Variants in CCDC171 observed in about 807,000 individuals in gnomAD.
CCDC171 encodes coiled-coil domain containing 171.
In CCDC171, 177 loss-of-function variants were observed where a neutral mutation model predicts 168.2. The ratio of observed to expected loss-of-function variants is 1.05; its 90% CI spans 0.93 to 1.19. The LOEUF (loss-of-function observed/expected upper bound fraction) is 1.19, where lower values mean the gene tolerates loss of function less well. CCDC171 is among the 50% of genes most tolerant of loss of function. The pLI, the probability that CCDC171 is intolerant of heterozygous loss-of-function variation, is 0.00. For synonymous variants in CCDC171, 687 were observed against 540.8 expected (o/e 1.27, Z -3.75); for missense variants, 1,991 against 1,539.0 (o/e 1.29, Z -4.91).
chr9:16,031,511 CCTGAAT>C (rs1564128046), intron 6 of CCDC171, among the ~76,000 whole-genome samples: 1 of 152,144 alleles, frequency 6.6e-6, no homozygotes, highest in African/African-American at 2.4e-5. Flanking sequence ...TGCTAAATTA[CCTGAAT>C]CTGTTGCACC....
the CCDC171 span, among the ~76,000 whole-genome samples, chr9:16,101,913 G>A: frequency 1.1e-4 from 17 of 152,246 alleles, no homozygotes; most frequent in African/African-American, 3.9e-4. Context: ...CTTTGGCTGT[G>A]TGAGACCTGA....
At chr9:15,911,426 C>G (rs933154001) in intron 24 of CCDC171, among the ~76,000 whole-genome samples, 1 of 151,804 alleles carries the variant, frequency 6.6e-6, no homozygotes, top group African/African-American at 2.4e-5. Flanking sequence ...GTTTAAGTCC[C>G]TTGTAGATTC....
At chr9:15,883,057 C>T in intron 24 of CCDC171, 1 of 398,330 alleles carries the variant, frequency 2.5e-6, no homozygotes, top group South Asian at 1.7e-5. Flanking sequence ...GAGACAGGAT[C>T]TTCCTCTGTT....
At chr9:15,642,187 C>T (rs189425116) in intron 7 of CCDC171, among the ~76,000 whole-genome samples, 5 of 151,032 alleles carry the variant, frequency 3.3e-5, no homozygotes, top group African/African-American at 9.7e-5. Flanking sequence ...GACTGTTGTT[C>T]GTAGTGTATA....
At chr9:16,031,554 G>A (rs1287389229) in intron 6 of CCDC171, among the ~76,000 whole-genome samples, 1 of 152,170 alleles carries the variant, frequency 6.6e-6, no homozygotes, top group Non-Finnish European at 1.5e-5. Flanking sequence ...AAACCAAGTT[G>A]TTCATGGTCA....
At chr9:15,610,445 A>G (rs1038826385) in intron 6 of CCDC171, among the ~76,000 whole-genome samples, 4 of 47,594 alleles carry the variant, frequency 8.4e-5, no homozygotes, top group Admixed American at 5.1e-4. Flanking sequence ...CATCTCAACT[A>G]AAAAAAAAAA....
intron 1 of CCDC171, among the ~76,000 whole-genome samples, chr9:16,048,669 C>CT (rs927488253): frequency 7.2e-5 from 11 of 151,726 alleles, no homozygotes; most frequent in Non-Finnish European, 1.6e-4. Context: ...TTTTCTTTTT[C>CT]TTTTTTTTGA....
intron 25 of CCDC171, among the ~76,000 whole-genome samples, chr9:15,949,915 C>A (rs1283741770): frequency 6.6e-6 from 1 of 152,062 alleles, no homozygotes; most frequent in Non-Finnish European, 1.5e-5. Flanking sequence ...CAGTTTTTGC[C>A]CATTCAGTAT....
At chr9:15,892,257 A>G (rs146895338) in intron 24 of CCDC171, among the ~76,000 whole-genome samples, 16 of 152,230 alleles carry the variant, frequency 1.1e-4, no homozygotes, top group African/African-American at 3.6e-4. Context: ...GCATGGTGAG[A>G]GAGGGCAGCC....
the CCDC171 span, among the ~76,000 whole-genome samples, chr9:16,098,027 G>A: frequency 6.8e-4 from 104 of 152,322 alleles, no homozygotes; most frequent in African/African-American, 2.4e-3. Flanking sequence ...GCTAGTCCGA[G>A]CTTTAAAGGG....
At chr9:15,788,092 T>C (rs1363661284) in intron 21 of CCDC171, among the ~76,000 whole-genome samples, 1 of 152,212 alleles carries the variant, frequency 6.6e-6, no homozygotes, top group Non-Finnish European at 1.5e-5. Context: ...TGGAGAATTG[T>C]TTAATTACTA....
intron 2 of CCDC171, among the ~76,000 whole-genome samples, chr9:15,567,253 C>T (rs368703351): frequency 2.0e-4 from 30 of 152,246 alleles, no homozygotes; most frequent in African/African-American, 7.0e-4. Flanking sequence ...AACTCCTGAC[C>T]TTGTGATCCA....
chr9:15,565,031 G>A (rs1256911129), intron 2 of CCDC171, among the ~76,000 whole-genome samples: 1 of 150,854 alleles, frequency 6.6e-6, no homozygotes, highest in Non-Finnish European at 1.5e-5. Flanking sequence ...AGACTAACAT[G>A]TAATTTACCC....
intron 11 of CCDC171, among the ~76,000 whole-genome samples, chr9:15,696,099 C>G (rs767507607): frequency 6.6e-6 from 1 of 152,174 alleles, no homozygotes; most frequent in Non-Finnish European, 1.5e-5. Context: ...TCTTCTAACA[C>G]AATTCTATTC....
chr9:15,729,387 T>A (rs1482833294), intron 15 of CCDC171, among the ~76,000 whole-genome samples: 1 of 152,128 alleles, frequency 6.6e-6, no homozygotes, highest in African/African-American at 2.4e-5. Context: ...GATGAAAAAT[T>A]TGCCATCTAA....
chr9:15,856,277 G>C (rs528074323), intron 23 of CCDC171, among the ~76,000 whole-genome samples: 2 of 152,004 alleles, frequency 1.3e-5, no homozygotes, highest in Admixed American at 6.6e-5. Flanking sequence ...CAGACTTTCA[G>C]AACTTATCCA....
chr9:15,632,534 A>G (rs1416568293), intron 7 of CCDC171, among the ~76,000 whole-genome samples: 1 of 152,216 alleles, frequency 6.6e-6, no homozygotes, highest in African/African-American at 2.4e-5. Context: ...ATACAAACAA[A>G]TGGAAGAACA....
upstream of CCDC171, among the ~76,000 whole-genome samples, chr9:16,040,478 C>A (rs545038636): frequency 1.3e-5 from 2 of 152,122 alleles, no homozygotes; most frequent in African/African-American, 4.8e-5. Flanking sequence ...GAAAGGCAGG[C>A]GGCTGCGAAG....
At chr9:16,004,764 C>G (rs1352686850) in intron 3 of CCDC171, among the ~76,000 whole-genome samples, 1 of 152,148 alleles carries the variant, frequency 6.6e-6, no homozygotes, top group Non-Finnish European at 1.5e-5. Flanking sequence ...GGTCTAAGTA[C>G]TAGAGAATTG....
Sources: gnomAD v4.1 joint callset for allele counts (sites outside exome capture counted in the v4.1 genomes callset) on GRCh38, gnomAD v4.1.1 for gene constraint, MANE v1.5 for transcripts, NCBI Gene and HGNC (gene_info 2026-07-23, HGNC 2026-07-21) for gene names.